The following STT3B variants were observed in gnomAD, a reference collection of about 807,000 sequenced individuals.
STT3B encodes dolichyl-diphosphooligosaccharide--protein glycosyltransferase subunit STT3B.
In STT3B, 29 loss-of-function variants were observed where a neutral mutation model predicts 96.8. The ratio of observed to expected loss-of-function variants is 0.30; its 90% CI spans 0.22 to 0.41. The LOEUF is 0.41. Ranked by LOEUF, STT3B falls within the 10% of genes least tolerant of loss-of-function variation. The pLI is 1.00. For synonymous variants in STT3B, 367 were observed against 360.0 expected (o/e 1.02, Z -0.22); for missense variants, 640 against 1,022.3 (o/e 0.63, Z 5.10).
intron 5 of STT3B, 66 bp downstream of exon 5, chr3:31,600,525 G>A: frequency 1.4e-6 from 1 of 731,854 alleles, no homozygotes; most frequent in Non-Finnish European, 2.3e-6. Context: ...TTTTATTGAA[G>A]AGATATTTCT....
At chr3:31,560,239 CTGGT>C (rs1697841534) in intron 1 of STT3B, among the ~76,000 whole-genome samples, 1 of 151,854 alleles carries the variant, frequency 6.6e-6, no homozygotes, top group Non-Finnish European at 1.5e-5. Context: ...TAATTGATTT[CTGGT>C]TATTTTGTTC....
chr3:31,594,041 T>C (rs1478830320), intron 3 of STT3B, among the ~76,000 whole-genome samples: 2 of 152,176 alleles, frequency 1.3e-5, no homozygotes, highest in Non-Finnish European at 2.9e-5. Context: ...CATGCAATTT[T>C]CTATTTCAAA....
At chr3:31,590,172 T>C (rs1231752426) in intron 3 of STT3B, among the ~76,000 whole-genome samples, 1 of 152,018 alleles carries the variant, frequency 6.6e-6, no homozygotes, top group African/African-American at 2.4e-5. Flanking sequence ...TTCTGTACAA[T>C]CTGTAGTGAT....
intron 1 of STT3B, among the ~76,000 whole-genome samples, chr3:31,538,623 C>CT (rs1429230577): frequency 3.5e-4 from 54 of 152,204 alleles, no homozygotes; most frequent in African/African-American, 1.3e-3. Context: ...AATGGTTTAG[C>CT]TTTAGTGTGA....
At chr3:31,604,236 C>A (rs1017439648) in intron 5 of STT3B, among the ~76,000 whole-genome samples, 3 of 152,170 alleles carry the variant, frequency 2.0e-5, no homozygotes, top group African/African-American at 7.2e-5. Flanking sequence ...TTTGAACATA[C>A]TACCTACTTT....
intron 3 of STT3B, among the ~76,000 whole-genome samples, chr3:31,593,552 C>T (rs1285888819): frequency 6.6e-6 from 1 of 152,038 alleles, no homozygotes; most frequent in African/African-American, 2.4e-5. Context: ...TTTGTAGCCT[C>T]TCCTTTTTTG....
At chr3:31,571,751 C>T (rs1466746489) in intron 1 of STT3B, among the ~76,000 whole-genome samples, 2 of 151,888 alleles carry the variant, frequency 1.3e-5, no homozygotes, top group Non-Finnish European at 2.9e-5. Context: ...GTATTAGGCT[C>T]AGATGCCTTA....
chr3:31,594,170 C>T (rs1015312048), intron 3 of STT3B, among the ~76,000 whole-genome samples: 10 of 152,184 alleles, frequency 6.6e-5, no homozygotes, highest in Admixed American at 2.0e-4. Flanking sequence ...AAACAATAAT[C>T]ATCAATACAG....
chr3:31,623,264 A>G lies in STT3B; in HGVS notation c.1540-410A>G, dbSNP rs1293622223. 5.3e-5 allele frequency among the ~76,000 whole-genome samples: 8 copies of G among 152,180 alleles called. 1 individual carries two copies. Among genetic ancestry groups the G allele is most frequent in the Non-Finnish European group, 5.9e-5 (4 of 68,020 alleles). ...TGTTAATGCAGTTTTTTCCTATACT[A>G]AAGTGGTACATGGTCAAAATTATAG... is the stretch of plus-strand genomic sequence containing the variant. On this transcript the variant is annotated intron_variant, in intron 10 of 15. Transcript: ENST00000295770.
At chr3:31,561,204 G>A (rs1249913174) in intron 1 of STT3B, among the ~76,000 whole-genome samples, 1 of 149,204 alleles carries the variant, frequency 6.7e-6, no homozygotes, top group African/African-American at 2.5e-5. Context: ...ATCCTACTGA[G>A]TTTTTTTAGA....
At chr3:31,575,520 C>T (rs1268937240) in intron 1 of STT3B, among the ~76,000 whole-genome samples, 1 of 151,864 alleles carries the variant, frequency 6.6e-6, no homozygotes, top group African/African-American at 2.4e-5. Flanking sequence ...AAAAATGCTA[C>T]AAAGCTTGCA....
intron 1 of STT3B, among the ~76,000 whole-genome samples, chr3:31,535,519 T>G (rs978818705): frequency 6.6e-6 from 1 of 151,556 alleles, no homozygotes; most frequent in Non-Finnish European, 1.5e-5. Flanking sequence ...AGGTCAGGAG[T>G]TCGAGACCAG....
intron 1 of STT3B, 135 bp from the exon 2 acceptor site, chr3:31,576,261 T>C (rs1432092825): frequency 4.3e-6 from 2 of 469,766 alleles, no homozygotes; most frequent in Non-Finnish European, 3.7e-6. Context: ...TCTTTTGATA[T>C]CTTCAGATTA....
Position 31,629,398 on chromosome 3 carries a change from T to C in STT3B, c.2174T>C (p.Phe725Ser). ...ATGTATAAAATGTCATACTACAGAT[T>C]TGGAGAAATGCAGGTTAGTTAAATC... ...CLMYKMSYYR[F>S]GEMQLDFRTP... is the part of the protein sequence containing the mutation. The change falls in exon 14 of 16, where the codon TTT becomes TCT. Residue 725 changes from phenylalanine (F) to serine (S), a missense_variant. Physicochemically the swap from Phe to Ser is radical, Grantham distance 155 (BLOSUM62 -2). Coordinates refer to ENST00000295770, the MANE Select transcript of STT3B (RefSeq NM_178862.3). The C allele has an allele frequency of 6.3e-7, 1 of 1,580,114 alleles. No individual in the cohort carries two copies.
intron 1 of STT3B, among the ~76,000 whole-genome samples, chr3:31,542,177 A>G (rs146039762): frequency 6.6e-6 from 1 of 152,316 alleles, no homozygotes; most frequent in Admixed American, 6.5e-5. Context: ...ACAAATGATA[A>G]TCAGATAAAT....
Position 31,617,951 on chromosome 3 carries a change from C to T in STT3B, c.1135C>T (p.Pro379Ser). The T allele has an allele frequency of 6.2e-7, 1 of 1,605,604 alleles. No homozygotes were observed. ...IYLTYTGYIA[P>S]WSGRFYSLWD... ...TTTTTCCTTCCAAGGTTACATTGCA[C>T]CATGGAGTGGCAGGTTTTATTCATT... is the stretch of plus-strand genomic sequence containing the variant. Residue 379 changes from proline (P) to serine (S), a missense_variant, in exon 8 of 16, where the codon CCA (proline) becomes TCA (serine). This residue lies in a region of STT3B where 9 missense variants were observed against 50.4 expected (regional missense o/e 0.18). Coordinates refer to ENST00000295770, the MANE Select transcript of STT3B (RefSeq NM_178862.3).
At chr3:31,609,967 T>C (rs1422509752) in intron 5 of STT3B, among the ~76,000 whole-genome samples, 2 of 152,234 alleles carry the variant, frequency 1.3e-5, no homozygotes, top group African/African-American at 4.8e-5. Flanking sequence ...TTGTAAAATA[T>C]AAGTTTCAGT....
intron 1 of STT3B, among the ~76,000 whole-genome samples, chr3:31,571,251 G>C (rs901998222): frequency 6.6e-6 from 1 of 150,810 alleles, no homozygotes; most frequent in Admixed American, 6.6e-5. Context: ...GGGGGGAAAA[G>C]GGAGAAAAAG....
chr3:31,587,793 G>A (rs1256058917), intron 3 of STT3B, among the ~76,000 whole-genome samples: 4 of 152,062 alleles, frequency 2.6e-5, no homozygotes, highest in Admixed American at 6.6e-5. Context: ...GAATTGCACA[G>A]AGTTTTTATG....
Sources: gnomAD v4.1 joint callset for allele counts (sites outside exome capture counted in the v4.1 genomes callset) on GRCh38, gnomAD v4.1.1 for gene constraint, gnomAD v4.1.1 regional missense constraint, MANE v1.5 for transcripts, NCBI Gene and HGNC (gene_info 2026-07-23, HGNC 2026-07-21) for gene names.